The following F13A1 variants were observed in gnomAD, a reference collection of about 807,000 sequenced individuals.
F13A1 encodes the protein coagulation factor XIII A chain, also known as FSF, A subunit.
F13A1 carries 47 observed loss-of-function variants against 80.1 expected under a neutral mutation model. The ratio of observed to expected loss-of-function variants is 0.59; its 90% CI spans 0.46 to 0.75. The LOEUF is 0.75. Ranked by LOEUF, F13A1 falls within the 30% of genes least tolerant of loss-of-function variation. The probability of loss-of-function intolerance (pLI) is 0.00; values close to 1 mark genes in which losing one functional copy is unlikely to be tolerated. For synonymous variants in F13A1, 349 were observed against 344.9 expected, an observed-to-expected ratio of 1.01 and a Z score of -0.13; for missense variants, 817 against 930.4, an observed-to-expected ratio of 0.88 and a Z score of 1.59.
intron 12 of F13A1, among the ~76,000 whole-genome samples, chr6:6,172,738 T>C (rs1294627766): frequency 1.3e-5 from 2 of 152,164 alleles, no homozygotes; most frequent in African/African-American, 4.8e-5. Flanking sequence ...TGAGCCACCA[T>C]GCCTGGCCCC....
At chr6:6,190,637 C>G (rs555197626) in intron 10 of F13A1, among the ~76,000 whole-genome samples, 1 of 151,624 alleles carries the variant, frequency 6.6e-6, no homozygotes, top group Non-Finnish European at 1.5e-5. Flanking sequence ...AGCTGTCAGA[C>G]AGGGACATTT....
intron 2 of F13A1, among the ~76,000 whole-genome samples, chr6:6,311,246 G>A (rs1363727149): frequency 6.6e-6 from 1 of 152,058 alleles, no homozygotes; most frequent in Non-Finnish European, 1.5e-5. Context: ...GCGTAGAGTT[G>A]ATCATTCATT....
At chr6:6,320,430 A>T (rs945524871) in intron 1 of F13A1, among the ~76,000 whole-genome samples, 157 bp downstream of exon 1, 12 of 151,860 alleles carry the variant, frequency 7.9e-5, no homozygotes, top group Non-Finnish European at 1.5e-4. Flanking sequence ...GCAGGTGCGG[A>T]GTTGGGGGCG....
At chr6:6,220,329 G>A (rs1427758085) in intron 8 of F13A1, among the ~76,000 whole-genome samples, 4 of 152,184 alleles carry the variant, frequency 2.6e-5, no homozygotes, top group Non-Finnish European at 4.4e-5. Flanking sequence ...GGAACAAATG[G>A]TGTCAGGAAA....
chr6:6,255,534 AAATC>A (rs1431510188), intron 4 of F13A1, among the ~76,000 whole-genome samples: 1 of 152,128 alleles, frequency 6.6e-6, no homozygotes, highest in Non-Finnish European at 1.5e-5. Flanking sequence ...ACACGGTAGG[AAATC>A]AATCAATGTG....
chr6:6,270,559 C>T (rs1757907547), intron 3 of F13A1, among the ~76,000 whole-genome samples: 1 of 152,102 alleles, frequency 6.6e-6, no homozygotes, highest in Non-Finnish European at 1.5e-5. Flanking sequence ...TTCTTGGGGT[C>T]CTTACAAAAC....
chr6:6,318,771 T>C lies in F13A1; in HGVS notation c.-18-89A>G, dbSNP rs7740663. On this transcript the variant is annotated intron_variant, in intron 1 of 14. Coordinates refer to ENST00000264870, the MANE Select transcript of F13A1 (RefSeq NM_000129.4). Reference sequence around the variant, plus strand: ...AAGGATTCCAAAATAGAGAAACAGATATATCTGTGTGTGATAGCACTTGAG... The same window carrying C: ...AAGGATTCCAAAATAGAGAAACAGACATATCTGTGTGTGATAGCACTTGAG... The C allele has an allele frequency of 9.6e-4, 1,343 of 1,404,708 alleles. 10 individuals are homozygous for C. The African/African-American group carries it at 0.017, about 18-fold the overall frequency. 87.0% of individuals were successfully genotyped at this position (1,404,708 alleles called of 1,614,324 possible).
At chr6:6,229,646 G>T (rs982745545) in intron 6 of F13A1, among the ~76,000 whole-genome samples, 33 of 152,250 alleles carry the variant, frequency 2.2e-4, no homozygotes, top group African/African-American at 6.7e-4. Context: ...GTGGAGGCTC[G>T]TGCTGTAAAT....
chr6:6,170,092 G>A (rs1465782250), intron 12 of F13A1, among the ~76,000 whole-genome samples: 1 of 152,188 alleles, frequency 6.6e-6, no homozygotes, highest in African/African-American at 2.4e-5. Flanking sequence ...AGCCTCAGAT[G>A]AGCACAAATG....
intron 2 of F13A1, among the ~76,000 whole-genome samples, chr6:6,316,086 T>A: frequency 1.3e-4 from 1 of 7,680 alleles, no homozygotes; most frequent in South Asian, 4.6e-3. Flanking sequence ...TGCATATATA[T>A]ATATATATAT....
intron 3 of F13A1, among the ~76,000 whole-genome samples, chr6:6,268,167 CATT>C (rs1412155439): frequency 6.6e-6 from 1 of 152,214 alleles, no homozygotes; most frequent in Non-Finnish European, 1.5e-5. Flanking sequence ...ATGTGCTAGA[CATT>C]ATCCTAAGTG....
chr6:6,299,027 T>A (rs1159801770), intron 3 of F13A1, among the ~76,000 whole-genome samples: 1 of 147,850 alleles, frequency 6.8e-6, no homozygotes, highest in East Asian at 1.9e-4. Flanking sequence ...TGGCTGGATA[T>A]GAAATTCGGG....
intron 13 of F13A1, among the ~76,000 whole-genome samples, chr6:6,158,825 C>A (rs1383000982): frequency 5.3e-5 from 8 of 152,082 alleles, no homozygotes; most frequent in Non-Finnish European, 2.9e-5. Context: ...ACAGTTAAGT[C>A]TCACAGTGTA....
intron 8 of F13A1, among the ~76,000 whole-genome samples, chr6:6,218,750 C>G (rs144333521): frequency 6.6e-6 from 1 of 152,286 alleles, no homozygotes; most frequent in African/African-American, 2.4e-5. Context: ...CGGTGGCAAA[C>G]CAGGAAGCAG....
chr6:6,173,430 C>T (rs1271437441), intron 12 of F13A1, among the ~76,000 whole-genome samples: 5 of 137,904 alleles, frequency 3.6e-5, no homozygotes, highest in South Asian at 2.3e-4. Flanking sequence ...TTTTTTGAGA[C>T]GGAGTATCGC....
At chr6:6,177,391 A>G (rs577762069) in intron 11 of F13A1, among the ~76,000 whole-genome samples, 1 of 152,186 alleles carries the variant, frequency 6.6e-6, no homozygotes, top group Admixed American at 6.5e-5. Flanking sequence ...TCCTTGTCAC[A>G]GTACTAGTTA....
chr6:6,280,436 C>T lies in F13A1; in HGVS notation c.320-13627G>A, dbSNP rs145764042. ...AAGGACTGGCAGAAAGAATGACACACATTTGCATTTTGTTTATTCATATGT... is the reference window on the plus strand; with the variant it reads ...AAGGACTGGCAGAAAGAATGACACATATTTGCATTTTGTTTATTCATATGT... On this transcript the variant is annotated intron_variant, in intron 3 of 14. Coordinates refer to ENST00000264870, the MANE Select transcript of F13A1 (RefSeq NM_000129.4). Among the ~76,000 whole-genome samples, 421 of 152,280 alleles carry T rather than the reference C, an allele frequency of 2.8e-3. 5 individuals are homozygous for T. The highest frequency in any genetic ancestry group is 9.2e-3 in the African/African-American group (383 of 41,552).
In F13A1 at chr6:6,173,693, C is replaced by T. The variant is rs147356066; in HGVS notation, c.1747+887G>A. On this transcript the variant is annotated intron_variant, in intron 12 of 14. Transcript: ENST00000264870. ...AAAGTGCTGAGATTACAGGAGACAG[C>T]GTTTTAAGAAGCGGCCTATGTCAGC... is the stretch of plus-strand genomic sequence containing the variant. Among the ~76,000 whole-genome samples the T allele has an allele frequency of 4.9e-3, 752 of 152,258 alleles. 10 individuals carry two copies. The highest frequency in any genetic ancestry group is 0.017 in the African/African-American group (719 of 41,552).
At chr6:6,251,574 A>G (rs1432723819) in intron 4 of F13A1, among the ~76,000 whole-genome samples, 1 of 152,166 alleles carries the variant, frequency 6.6e-6, no homozygotes, top group Non-Finnish European at 1.5e-5. Context: ...GTCTATCATC[A>G]GTCTGGTACT....
Sources: gnomAD v4.1 joint callset for allele counts (sites outside exome capture counted in the v4.1 genomes callset) on GRCh38, gnomAD v4.1.1 for gene constraint, MANE v1.5 for transcripts, NCBI Gene and HGNC (gene_info 2026-07-23, HGNC 2026-07-21) for gene names.